Variants in MBNL2 observed in about 807,000 individuals in gnomAD.
MBNL2 encodes the protein muscleblind-like protein 2.
In MBNL2, 17 loss-of-function variants were observed where a neutral mutation model predicts 41.9. That is an observed-to-expected ratio of 0.41 (90% CI 0.28 to 0.61). The LOEUF (loss-of-function observed/expected upper bound fraction) is 0.61, where lower values mean the gene tolerates loss of function less well. MBNL2 is among the 20% of genes least tolerant of loss of function. The probability of loss-of-function intolerance (pLI) is 0.35; values close to 1 mark genes in which losing one functional copy is unlikely to be tolerated. For synonymous variants in MBNL2, 195 were observed against 182.9 expected (o/e 1.07, Z -0.53); for missense variants, 336 against 505.6 (o/e 0.66, Z 3.22).
At position 97,322,771 on chromosome 13, in the gene MBNL2, C is replaced by T. The variant is rs552460347; in HGVS notation, c.175-11505C>T. 3.3e-5 allele frequency among the ~76,000 whole-genome samples: 5 copies of T among 152,154 alleles called. No individual in the cohort carries two copies. In the East Asian group the frequency reaches 7.7e-4, roughly 23 times the overall value. On this transcript the variant is annotated intron_variant, in intron 2 of 8. Transcript: ENST00000679496. ...ACACAACCCTTCTCCCACTTCTTCC[C>T]GGAAGCATTCCCAACTCCGACACCA...
At chr13:97,213,434 G>A in the MBNL2 span, among the ~76,000 whole-genome samples, 1 of 152,058 alleles carries the variant, frequency 6.6e-6, no homozygotes, top group Non-Finnish European at 1.5e-5. Context: ...CTCAGACACA[G>A]TGAACTAGAA....
chr13:97,300,848 G>A (rs976935698), intron 2 of MBNL2, among the ~76,000 whole-genome samples: 1 of 152,142 alleles, frequency 6.6e-6, no homozygotes, highest in Admixed American at 6.5e-5. Flanking sequence ...CTTGCACTCG[G>A]ATTTTTTTCA....
At chr13:97,335,137 A>C (rs1409542012) in intron 3 of MBNL2, among the ~76,000 whole-genome samples, 1 of 152,222 alleles carries the variant, frequency 6.6e-6, no homozygotes, top group Non-Finnish European at 1.5e-5. Flanking sequence ...GTATTGCACA[A>C]GATTTTTTTC....
intron 2 of MBNL2, among the ~76,000 whole-genome samples, chr13:97,309,911 G>T (rs2058435252): frequency 6.6e-6 from 1 of 152,134 alleles, no homozygotes; most frequent in South Asian, 2.1e-4. Context: ...TTCATTCAAA[G>T]AAAAAATAAG....
intron 2 of MBNL2, among the ~76,000 whole-genome samples, chr13:97,325,816 C>T (rs2059867046): frequency 6.6e-6 from 1 of 152,190 alleles, no homozygotes; most frequent in Admixed American, 6.5e-5. Context: ...GCCTTTCTTC[C>T]TCATTTACTA....
At chr13:97,332,753 A>G (rs907555118) in intron 2 of MBNL2, among the ~76,000 whole-genome samples, 2 of 152,224 alleles carry the variant, frequency 1.3e-5, no homozygotes, top group Admixed American at 6.5e-5. Flanking sequence ...AACAATATGA[A>G]CTTGAGACTA....
intron 1 of MBNL2, among the ~76,000 whole-genome samples, chr13:97,271,939 C>T (rs544750908): frequency 1.3e-5 from 2 of 152,084 alleles, no homozygotes; most frequent in Admixed American, 1.3e-4. Context: ...GTATATATAC[C>T]CAGTAATGAG....
chr13:97,307,935 CAAT>C (rs1364902460), intron 2 of MBNL2, among the ~76,000 whole-genome samples: 2 of 152,172 alleles, frequency 1.3e-5, no homozygotes, highest in Non-Finnish European at 2.9e-5. Flanking sequence ...AAATAACAGT[CAAT>C]GATGAGAATG....
chr13:97,211,407 CTG>C, the MBNL2 span, among the ~76,000 whole-genome samples: 6 of 152,192 alleles, frequency 3.9e-5, no homozygotes, highest in Non-Finnish European at 8.8e-5. Context: ...GCAGCAAAAA[CTG>C]GAGTAGAAAA....
At chr13:97,271,118 T>G (rs896372919) in intron 1 of MBNL2, among the ~76,000 whole-genome samples, 4 of 150,628 alleles carry the variant, frequency 2.7e-5, no homozygotes, top group Non-Finnish European at 5.9e-5. Context: ...TTTTGTTTTT[T>G]TTTTTTTGTT....
At chr13:97,164,971 G>A in the MBNL2 span, among the ~76,000 whole-genome samples, 1 of 152,178 alleles carries the variant, frequency 6.6e-6, no homozygotes, top group East Asian at 1.9e-4. Flanking sequence ...TTGAGAGGCC[G>A]AGGTGGCGGA....
chr13:97,179,452 A>G, the MBNL2 span: 2 of 152,404 alleles, frequency 1.3e-5, no homozygotes, highest in East Asian at 3.9e-4. Flanking sequence ...AGGCCACAGC[A>G]AACTCATTTC....
chr13:97,345,706 T>C (rs1430792348), intron 4 of MBNL2, among the ~76,000 whole-genome samples: 3 of 152,108 alleles, frequency 2.0e-5, no homozygotes, highest in African/African-American at 7.3e-5. Flanking sequence ...GTTATCTTTG[T>C]AGAGCAGGAG....
At chr13:97,162,937 A>G in the MBNL2 span, among the ~76,000 whole-genome samples, 1 of 152,174 alleles carries the variant, frequency 6.6e-6, no homozygotes. Context: ...GGTCGTGAGA[A>G]TCTTGTTTCC....
intron 1 of MBNL2, among the ~76,000 whole-genome samples, chr13:97,247,737 ATCACAT>A (rs1235576409): frequency 2.6e-5 from 4 of 152,160 alleles, no homozygotes; most frequent in Admixed American, 2.6e-4. Context: ...CATATTTTAA[ATCACAT>A]TCTAGTTCAT....
chr13:97,305,222 T>C (rs1460143570), intron 2 of MBNL2, among the ~76,000 whole-genome samples: 2 of 152,252 alleles, frequency 1.3e-5, no homozygotes, highest in Non-Finnish European at 2.9e-5. Context: ...GGCTAACATA[T>C]ATTTTTAGAT....
At chr13:97,342,995 T>C (rs1297350021) in intron 3 of MBNL2, 21 bp from the exon 4 acceptor site, 8 of 1,476,128 alleles carry the variant, frequency 5.4e-6, no homozygotes, top group Non-Finnish European at 7.6e-6. Context: ...CTCTTTCTCC[T>C]GTGTTGTCTT....
chr13:97,243,146 GGA>G (rs1314403973), intron 1 of MBNL2, among the ~76,000 whole-genome samples: 2 of 152,192 alleles, frequency 1.3e-5, no homozygotes, highest in African/African-American at 2.4e-5. Flanking sequence ...AGTGGATGTG[GGA>G]GAGAGAGTTG....
At chr13:97,197,024 A>G in the MBNL2 span, among the ~76,000 whole-genome samples, 1 of 152,206 alleles carries the variant, frequency 6.6e-6, no homozygotes, top group Non-Finnish European at 1.5e-5. Flanking sequence ...AATTGCTTTC[A>G]GTGATACTGC....
Sources: gnomAD v4.1 joint callset for allele counts (sites outside exome capture counted in the v4.1 genomes callset) on GRCh38, gnomAD v4.1.1 for gene constraint, MANE v1.5 for transcripts, NCBI Gene and HGNC (gene_info 2026-07-23, HGNC 2026-07-21) for gene names.